BCL2A1: variants seen among roughly 807,000 people sequenced by gnomAD.
The protein encoded by BCL2A1 is BCL2 related protein A1.
BCL2A1 carries 10 observed loss-of-function variants against 14.4 expected under a neutral mutation model. That is an observed-to-expected ratio of 0.69 (90% CI 0.43 to 1.18). The LOEUF (loss-of-function observed/expected upper bound fraction) is 1.18. Ranked by LOEUF, BCL2A1 falls within the 50% of genes most tolerant of loss-of-function variation. The pLI, the probability that BCL2A1 is intolerant of heterozygous loss-of-function variation, is 0.00. For synonymous variants in BCL2A1, 71 were observed against 76.5 expected, an observed-to-expected ratio of 0.93 and a Z score of 0.38; for missense variants, 158 against 205.0, an observed-to-expected ratio of 0.77 and a Z score of 1.40.
intron 1 of BCL2A1, among the ~76,000 whole-genome samples, chr15:79,961,933 C>G (rs1230978020): frequency 6.6e-6 from 1 of 152,140 alleles, no homozygotes; most frequent in South Asian, 2.1e-4. Flanking sequence ...ATGAGGAAAT[C>G]GAGGCCCAGA....
intron 1 of BCL2A1, among the ~76,000 whole-genome samples, chr15:79,968,618 A>T (rs1438249022): frequency 6.6e-6 from 1 of 152,242 alleles, no homozygotes; most frequent in Non-Finnish European, 1.5e-5. Flanking sequence ...TAATCAGCAA[A>T]CTAAAAGATA....
chr15:79,971,079 T>C lies in BCL2A1; in HGVS notation c.41A>G (p.Gln14Arg), dbSNP rs2035589825. 2 of 1,614,102 alleles carry C rather than the reference T, an allele frequency of 1.2e-6. No homozygotes were observed. The highest frequency in any genetic ancestry group is 1.7e-5 in the Admixed American group (1 of 60,010). Residue 14 changes from glutamine (Q) to arginine (R), a missense_variant, in exon 1 of 2, where the codon CAG (glutamine) becomes CGG (arginine). Coordinates refer to ENST00000267953, the MANE Select transcript of BCL2A1 (RefSeq NM_004049.4). The part of the protein sequence containing the change: ...CEFGYIYRLA[Q>R]DYLQCVLQIP... ...CTGTAGGACGCACTGCAGATAGTCC[T>C]GAGCCAGCCTGTAAATATATCCAAA...
At chr15:79,964,530 C>T (rs1050627014) in intron 1 of BCL2A1, among the ~76,000 whole-genome samples, 1 of 152,150 alleles carries the variant, frequency 6.6e-6, no homozygotes, top group Non-Finnish European at 1.5e-5. Flanking sequence ...CTTCTCTAAA[C>T]ATTATTATTC....
At position 79,963,059 on chromosome 15, in the gene BCL2A1, G is replaced by C. The variant is rs189458322; in HGVS notation, c.421-1885C>G. 1.1e-3 allele frequency among the ~76,000 whole-genome samples: 160 copies of C among 152,166 alleles called. 2 individuals carry two copies. Among genetic ancestry groups the C allele is most frequent in the Middle Eastern group, 6.8e-3 (2 of 294 alleles). Reference sequence around the variant, plus strand: ...TGCAATGGCGCGATCTCAGCTGGCCGCAACCTCTGCCTCCTGTGTTCAAGC... The same window carrying C: ...TGCAATGGCGCGATCTCAGCTGGCCCCAACCTCTGCCTCCTGTGTTCAAGC... On this transcript the variant is annotated intron_variant, in intron 1 of 1. Coordinates refer to ENST00000267953, the MANE Select transcript of BCL2A1 (RefSeq NM_004049.4).
chr15:79,966,919 C>T (rs1322073809), intron 1 of BCL2A1, among the ~76,000 whole-genome samples: 1 of 152,160 alleles, frequency 6.6e-6, no homozygotes, highest in African/African-American at 2.4e-5. Flanking sequence ...AGACCAGTCT[C>T]GTTTCTTCCC....
At chr15:79,963,747 T>C (rs113672207) in intron 1 of BCL2A1, among the ~76,000 whole-genome samples, 4 of 152,142 alleles carry the variant, frequency 2.6e-5, no homozygotes, top group African/African-American at 9.6e-5. Flanking sequence ...TATTGGAGGG[T>C]AGGGGGCACC....
intron 1 of BCL2A1, among the ~76,000 whole-genome samples, chr15:79,968,202 T>C (rs1161142375): frequency 6.6e-6 from 1 of 152,252 alleles, no homozygotes; most frequent in Non-Finnish European, 1.5e-5. Context: ...CTCCAAGTAT[T>C]ATGCTAAGCG....
chr15:79,965,167 A>G (rs142220471), intron 1 of BCL2A1, among the ~76,000 whole-genome samples: 1,534 of 152,170 alleles, frequency 0.01, 14 homozygotes, highest in African/African-American at 0.03. Flanking sequence ...TCACTCTGTT[A>G]CCCAGGCTGG....
intron 1 of BCL2A1, chr15:79,967,735 AT>A: frequency 1.7e-6 from 2 of 1,208,788 alleles, no homozygotes. Context: ...ATTTAAGCAG[AT>A]TTGTCAACAT....
chr15:79,963,342 A>T (rs2035508846), intron 1 of BCL2A1, among the ~76,000 whole-genome samples: 1 of 152,194 alleles, frequency 6.6e-6, no homozygotes, highest in South Asian at 2.1e-4. Flanking sequence ...AGACTAGGAA[A>T]ATATTTACAT....
At chr15:79,962,342 C>T (rs775121074) in intron 1 of BCL2A1, among the ~76,000 whole-genome samples, 7 of 152,232 alleles carry the variant, frequency 4.6e-5, no homozygotes, top group Admixed American at 1.3e-4. Flanking sequence ...TTTCTGCCTA[C>T]GTGTTAAGTG....
chr15:79,971,068 G>A lies in BCL2A1; in HGVS notation c.52C>T (p.Gln18Ter). Residue 18 changes from glutamine to a stop codon, truncating the protein, a stop_gained, in exon 1 of 2, where the codon CAG (glutamine) becomes TAG (stop). Transcript: ENST00000267953. LOFTEE classifies it high-confidence loss of function. ...YIYRLAQDYL[Q>*]CVLQIPQPGS... ...GGTTGTGGTATCTGTAGGACGCACT[G>A]CAGATAGTCCTGAGCCAGCCTGTAA... 3 of 1,614,170 alleles carry A rather than the reference G, an allele frequency of 1.9e-6. No individual in the cohort carries two copies. The highest frequency in any genetic ancestry group is 2.5e-6 in the Non-Finnish European group (3 of 1,179,978).
rs374667363 is a variant in BCL2A1 at position 79,971,165 on chromosome 15, G to A, written c.-46C>T. The A allele has an allele frequency of 3.8e-6, 6 of 1,573,480 alleles. No individual in the cohort carries two copies. The highest frequency in any genetic ancestry group is 4.3e-6 in the Non-Finnish European group (5 of 1,154,212). On this transcript the variant is annotated 5_prime_UTR_variant, in exon 1 of 2. Coordinates refer to ENST00000267953, the MANE Select transcript of BCL2A1 (RefSeq NM_004049.4). ...AAGTCTTGAGCTGGCTCACCTTGAA[G>A]CTGTTGAGGCAATGTGCTGAGAATG... is the stretch of plus-strand genomic sequence containing the variant.
intron 1 of BCL2A1, chr15:79,967,813 G>T (rs1458002429): frequency 1.5e-6 from 1 of 648,046 alleles, no homozygotes; most frequent in Non-Finnish European, 2.7e-6. Context: ...ACTGCCTATC[G>T]TTGACAGAAT....
chr15:79,961,804 T>G (rs1406354483), intron 1 of BCL2A1, among the ~76,000 whole-genome samples: 1 of 152,222 alleles, frequency 6.6e-6, no homozygotes, highest in Non-Finnish European at 1.5e-5. Context: ...TTTAAAAATA[T>G]AGGATAACCC....
chr15:79,963,325 G>A (rs527403906), intron 1 of BCL2A1, among the ~76,000 whole-genome samples: 1 of 152,060 alleles, frequency 6.6e-6, no homozygotes, highest in Non-Finnish European at 1.5e-5. Context: ...AAAATTAAAA[G>A]AACAATAGAC....
intron 1 of BCL2A1, among the ~76,000 whole-genome samples, chr15:79,962,636 C>G (rs1185693844): frequency 1.3e-5 from 2 of 151,928 alleles, no homozygotes; most frequent in African/African-American, 2.4e-5. Flanking sequence ...CAGCCTCTGC[C>G]TCCCGGGTTC....
chr15:79,966,453 A>G (rs985851245), intron 1 of BCL2A1, among the ~76,000 whole-genome samples: 5 of 152,154 alleles, frequency 3.3e-5, no homozygotes, highest in South Asian at 4.1e-4. Context: ...AAGTAGACAC[A>G]ATTTCTCCCA....
rs1415008780 is a variant in BCL2A1 at position 79,970,748 on chromosome 15, C to G, written c.372G>C (p.Glu124Asp). Residue 124 changes from glutamate to aspartate, a missense_variant, in exon 1 of 2, where the codon GAG becomes GAC. Transcript: ENST00000267953. ...TYKEISYFVAEFIMNNTGEWI... is the reference protein window; with the variant it reads ...TYKEISYFVADFIMNNTGEWI... ...ATTCTCCTGTGTTATTCATTATGAACTCCGCAACAAAATATGAAATCTCCT... is the reference window on the plus strand; with the variant it reads ...ATTCTCCTGTGTTATTCATTATGAAGTCCGCAACAAAATATGAAATCTCCT... 1 of 1,613,934 alleles carries G rather than the reference C, an allele frequency of 6.2e-7. No individual in the cohort carries two copies. Among genetic ancestry groups the G allele is most frequent in the East Asian group, 2.2e-5 (1 of 44,896 alleles).
Sources: gnomAD v4.1 joint callset for allele counts (sites outside exome capture counted in the v4.1 genomes callset) on GRCh38, gnomAD v4.1.1 for gene constraint, MANE v1.5 for transcripts, NCBI Gene and HGNC (gene_info 2026-07-23, HGNC 2026-07-21) for gene names.